Variants in XIST observed in about 807,000 individuals in gnomAD.
XIST encodes the protein X inactive specific transcript (non-protein coding).
exon 1 of XIST, chrX:73,846,325 G>C (rs144237473): frequency 1.8e-6 from 1 of 556,558 alleles, no homozygotes; most frequent in African/African-American, 2.2e-5. Flanking sequence ...TAACAATTAC[G>C]CACCTTGACT....
exon 1 of XIST, chrX:73,847,404 CTTT>C (rs748433893): frequency 2.0e-5 from 10 of 491,547 alleles, no homozygotes; most frequent in Admixed American, 1.1e-4. Context: ...AATTGTCTTA[CTTT>C]TTTTTTTTTT....
chrX:73,851,905 A>G lies in XIST; in HGVS notation n.819T>C, dbSNP rs778966992. ...CTGCCAAAGCGGTAGGTACACTCAC[A>G]CACCACCAAATGATCAGCAGCAAAA... On this transcript the variant is annotated non_coding_transcript_exon_variant, in exon 1 of 6. Coordinates refer to ENST00000429829, the Ensembl canonical transcript of XIST. 31 of 555,915 alleles carry G rather than the reference A, an allele frequency of 5.6e-5. No homozygotes were observed. In the South Asian group the frequency reaches 6.7e-4, roughly 12 times the overall value. The allele number at this position is 555,915 out of a possible 1,213,427, so 45.8% of individuals were successfully genotyped here.
chrX:73,831,316 T>C (rs1419515093), intron 3 of XIST: 1 of 479,806 alleles, frequency 2.1e-6, no homozygotes, highest in Non-Finnish European at 3.7e-6. Flanking sequence ...TGCAGTACAC[T>C]GGGAAAGTCT....
At chrX:73,831,180 TG>T (rs1263178015) in exon 4 of XIST, 1 of 555,996 alleles carries the variant, frequency 1.8e-6, no homozygotes, top group Admixed American at 2.2e-5. Context: ...GCTTTTCCCC[TG>T]GAGGATCCTC....
exon 6 of XIST, chrX:73,825,142 GACC>G (rs1231203464): frequency 7.7e-6 from 4 of 521,126 alleles, no homozygotes; most frequent in Non-Finnish European, 1.4e-5. Flanking sequence ...CATTATAGGT[GACC>G]ACAACAAGCT....
chrX:73,823,196 G>A (rs759500702), exon 6 of XIST: 1 of 547,020 alleles, frequency 1.8e-6, no homozygotes, highest in Non-Finnish European at 3.3e-6. Flanking sequence ...CAAACCCTGA[G>A]CCCTTTTATC....
exon 1 of XIST, chrX:73,842,110 G>A: frequency 1.9e-6 from 1 of 534,195 alleles, no homozygotes; most frequent in Non-Finnish European, 3.4e-6. Context: ...GGATATTTTG[G>A]CTTCAAAAAA....
exon 1 of XIST, chrX:73,844,009 G>A (rs1388277597): frequency 3.6e-6 from 2 of 558,817 alleles, no homozygotes; most frequent in South Asian, 4.4e-5. Context: ...AGGTATAATG[G>A]TCCTAGAAGT....
At chrX:73,821,207 T>G in exon 6 of XIST, 2 of 556,896 alleles carry the variant, frequency 3.6e-6, no homozygotes. Context: ...AACTAGAAAA[T>G]TTCAACCCCA....
At chrX:73,829,029 T>C (rs756699028) in intron 5 of XIST, 1 of 541,375 alleles carries the variant, frequency 1.8e-6, no homozygotes, top group Non-Finnish European at 3.3e-6. Context: ...ATAACAGTTC[T>C]GAAGTGATCC....
chrX:73,849,170 G>A, exon 1 of XIST: 1 of 559,161 alleles, frequency 1.8e-6, no homozygotes, highest in Non-Finnish European at 3.2e-6. Flanking sequence ...TAATGGGTGA[G>A]ACAATTAGCA....
chrX:73,829,535 A>G (rs1922336436), intron 4 of XIST: 1 of 167,935 alleles, frequency 6.0e-6, no homozygotes, highest in Admixed American at 7.4e-5. Flanking sequence ...TCACGCCCAT[A>G]ATCCCAGCAC....
At chrX:73,852,344 G>T (rs765912649) in exon 1 of XIST, 1 of 529,207 alleles carries the variant, frequency 1.9e-6, no homozygotes, top group Admixed American at 2.4e-5. Context: ...GTTGGGCAAA[G>T]AAAAAATAAT....
chrX:73,820,838 G>C (rs1308453046), exon 6 of XIST: 6 of 558,585 alleles, frequency 1.1e-5, no homozygotes, highest in Non-Finnish European at 1.9e-5. Context: ...ACAAGTTCAA[G>C]AGTCTTCCAT....
At chrX:73,823,934 AT>A in exon 6 of XIST, 1 of 555,422 alleles carries the variant, frequency 1.8e-6, no homozygotes, top group Non-Finnish European at 3.3e-6. Context: ...AGTAATCACC[AT>A]TCAGTAAGCC....
intron 2 of XIST, among the ~76,000 whole-genome samples, chrX:73,835,190 C>T (rs1346827277): frequency 2.7e-5 from 3 of 111,183 alleles, no homozygotes; most frequent in African/African-American, 9.8e-5. Context: ...GAGCTTTCTA[C>T]AAAACTTTCA....
At chrX:73,833,297 C>G (rs1431534091) in exon 3 of XIST, 1 of 558,663 alleles carries the variant, frequency 1.8e-6, no homozygotes, top group Non-Finnish European at 3.2e-6. Flanking sequence ...TGGCCAGATT[C>G]TCAAAGGGAA....
exon 1 of XIST, chrX:73,852,105 T>TAA (rs36033063): frequency 1.7e-4 from 74 of 431,326 alleles, no homozygotes; most frequent in Non-Finnish European, 7.1e-5. Context: ...CAAGGAAAAA[T>TAA]AAAAAAAAAA....
At chrX:73,846,806 TA>T in exon 1 of XIST, 3 of 559,279 alleles carry the variant, frequency 5.4e-6, no homozygotes, top group Non-Finnish European at 9.7e-6. Flanking sequence ...GATACTGATG[TA>T]ATTGTCATTA....
Sources: gnomAD v4.1 joint callset for allele counts (sites outside exome capture counted in the v4.1 genomes callset) on GRCh38, gnomAD v4.1.1 for gene constraint, MANE v1.5 for transcripts, NCBI Gene and HGNC (gene_info 2026-07-23, HGNC 2026-07-21) for gene names.